Variants in RC3H2 observed in about 807,000 individuals in gnomAD.
RC3H2 encodes ring finger and CCCH-type domains 2, also known as roquin-2.
In RC3H2, 31 loss-of-function variants were observed where a neutral mutation model predicts 133.3. That is an observed-to-expected ratio of 0.23 (90% CI 0.17 to 0.31). The LOEUF (loss-of-function observed/expected upper bound fraction) is 0.31, where lower values mean the gene tolerates loss of function less well. RC3H2 is among the 10% of genes least tolerant of loss of function. The pLI is 1.00. For synonymous variants in RC3H2, 517 were observed against 502.2 expected (o/e 1.03, Z -0.40); for missense variants, 1,175 against 1,437.2 (o/e 0.82, Z 2.95).
Position 122,877,442 on chromosome 9 carries a change from C to A in RC3H2, c.1325+29G>T, listed in dbSNP as rs1831389659. The A allele has an allele frequency of 1.9e-6, 3 of 1,547,324 alleles. No individual in the cohort carries two copies. In the South Asian group the frequency reaches 3.3e-5, roughly 17 times the overall value. On this transcript the variant is annotated intron_variant, in intron 9 of 20. Transcript: ENST00000357244. The stretch of plus-strand genomic sequence containing the variant: ...TTCCCATAAAAATCAAAAATTAAAC[C>A]CATATGAAACAGAATTCTCAACACT...
intron 9 of RC3H2, among the ~76,000 whole-genome samples, chr9:122,876,040 C>T (rs984078607): frequency 6.6e-6 from 1 of 151,840 alleles, no homozygotes; most frequent in African/African-American, 2.4e-5. Context: ...GAGAAGGCAA[C>T]AAGGGATCGA....
rs145430378 is a variant in RC3H2 at position 122,892,706 on chromosome 9, C to T, written c.349+203G>A. ...GATTACAGGGGTGAGCCACCGCGCC[C>T]GGCTCTAGCTTGAATTCTTAATAAC... On this transcript the variant is annotated intron_variant, in intron 3 of 20. Coordinates refer to ENST00000357244, the MANE Select transcript of RC3H2 (RefSeq NM_001100588.3). 3.0e-3 allele frequency among the ~76,000 whole-genome samples: 452 copies of T among 152,180 alleles called. 2 individuals carry two copies. The highest frequency in any genetic ancestry group is 0.01 in the African/African-American group (423 of 41,538).
In RC3H2 at chr9:122,855,936, T is replaced by A. The variant is rs1017163054; in HGVS notation, c.2455-58A>T. ...TAAGAAGCTTAAATTTACAAGCTTG[T>A]AACTAATATAAAGTAACTATTATAG... On this transcript the variant is annotated intron_variant, in intron 13 of 20. Coordinates refer to ENST00000357244, the MANE Select transcript of RC3H2 (RefSeq NM_001100588.3). 5.8e-6 allele frequency: 8 copies of A among 1,387,554 alleles called. No homozygotes were observed. In the East Asian group the frequency reaches 1.7e-4, roughly 29 times the overall value. 86.0% of individuals were successfully genotyped at this position (1,387,554 alleles called of 1,614,324 possible). A position where few individuals can be genotyped will look rare whatever the true frequency, so the allele number is the denominator to read the frequency against.
chr9:122,853,725 C>A lies in RC3H2; in HGVS notation c.3117+227G>T, dbSNP rs961965129. ...CAAGATCGTGCCATTGCACTCCAGG[C>A]GATAGAGCAAGATTCCATCTCAAAA... On this transcript the variant is annotated intron_variant, in intron 18 of 20. Coordinates refer to ENST00000357244, the MANE Select transcript of RC3H2 (RefSeq NM_001100588.3). 1.0e-5 allele frequency: 12 copies of A among 1,195,374 alleles called. No homozygotes were observed. In the African/African-American group the frequency reaches 1.4e-4, roughly 14 times the overall value. 74.0% of individuals were successfully genotyped at this position (1,195,374 alleles called of 1,614,324 possible).
Position 122,849,790 on chromosome 9 carries a change from G to C in RC3H2, c.3413C>G (p.Ser1138Cys), listed in dbSNP as rs1829951764. 1 of 1,577,032 alleles carries C rather than the reference G, an allele frequency of 6.3e-7. No individual in the cohort carries two copies. The highest frequency in any genetic ancestry group is 8.6e-7 in the Non-Finnish European group (1 of 1,164,712). ...EEQKTILPVT[S>C]CFSQPLPVSI... ...CACTGGGAGTGGCTGGCTAAAGCAAGAAGTTACCGGCAGAATTGTTTTTTG... is the reference window on the plus strand; with the variant it reads ...CACTGGGAGTGGCTGGCTAAAGCAACAAGTTACCGGCAGAATTGTTTTTTG... The change falls in exon 21 of 21, where the codon TCT (serine) becomes TGT (cysteine). Residue 1138 changes from serine to cysteine, a missense_variant. By Grantham distance (112) the Ser-to-Cys change is moderately radical. Coordinates refer to ENST00000357244, the MANE Select transcript of RC3H2 (RefSeq NM_001100588.3).
intron 18 of RC3H2, among the ~76,000 whole-genome samples, chr9:122,853,378 T>TA (rs72033785): frequency 0.013 from 1,051 of 83,706 alleles, 19 homozygotes; most frequent in African/African-American, 0.033. Context: ...GAATGATCAA[T>TA]AAAAAAAAAA....
At chr9:122,873,105 G>A (rs115873473) in intron 9 of RC3H2, among the ~76,000 whole-genome samples, 310 of 152,260 alleles carry the variant, frequency 2.0e-3, no homozygotes, top group African/African-American at 7.2e-3. Flanking sequence ...GTATAATAGA[G>A]AAAGAAAATA....
intron 18 of RC3H2, chr9:122,853,667 G>A (rs564513797): frequency 5.1e-5 from 33 of 640,836 alleles, no homozygotes; most frequent in Non-Finnish European, 7.5e-5. Context: ...CAGGAGAATC[G>A]CTTGAACCTG....
rs1564322863 is a variant in RC3H2 at position 122,899,090 on chromosome 9, G to GGTTTTTTTTTTTTTTTTTTTTTTTT, written c.-67-1515_-67-1514insAAAAAAAAAAAAAAAAAAAAAAAAC. ...AAAAAATTCTATTAGCCTTTATTGT[G>GGTTTTTTTTTTTTTTTTTTTTTTTT]TTTTTTTTTTTTTTTTTTTTTTTTT... On this transcript the variant is annotated intron_variant, in intron 1 of 20. Coordinates refer to ENST00000357244, the MANE Select transcript of RC3H2 (RefSeq NM_001100588.3). Among the ~76,000 whole-genome samples the GGTTTTTTTTTTTTTTTTTTTTTTTT allele has an allele frequency of 5.7e-5, 5 of 88,410 alleles. 2 individuals carry two copies. The highest frequency in any genetic ancestry group is 8.1e-5 in the Non-Finnish European group (4 of 49,386). The allele number at this position is 88,410 out of a possible 152,430, so 58.0% of individuals were successfully genotyped here.
intron 2 of RC3H2, among the ~76,000 whole-genome samples, chr9:122,895,911 A>AT (rs1367282803): frequency 1.3e-5 from 2 of 152,146 alleles, no homozygotes; most frequent in African/African-American, 4.8e-5. Flanking sequence ...CTCATTAAAT[A>AT]TGTTATTTCA....
Position 122,849,179 on chromosome 9 carries a change from G to T in RC3H2, c.*448C>A, listed in dbSNP as rs898212851. On this transcript the variant is annotated 3_prime_UTR_variant, in exon 21 of 21. Coordinates refer to ENST00000357244, the MANE Select transcript of RC3H2 (RefSeq NM_001100588.3). Reference sequence around the variant, plus strand: ...TAAATAAAGCAGCTGGAATGAGATGGAAACTTCTCTCAGTGAAACATAAAA... The same window carrying T: ...TAAATAAAGCAGCTGGAATGAGATGTAAACTTCTCTCAGTGAAACATAAAA... The T allele has an allele frequency of 6.6e-6, 1 of 151,994 alleles. No individual in the cohort carries two copies. The highest frequency in any genetic ancestry group is 1.5e-5 in the Non-Finnish European group (1 of 67,972). The allele number at this position is 151,994 out of a possible 1,614,324, so 9.4% of individuals were successfully genotyped here.
intron 9 of RC3H2, chr9:122,874,338 A>G (rs1196686972): frequency 6.6e-6 from 1 of 152,118 alleles, no homozygotes; most frequent in Non-Finnish European, 1.5e-5. Context: ...ATATTTTAAA[A>G]AGAAAATAGT....
chr9:122,878,516 C>T (rs931456768), intron 8 of RC3H2, among the ~76,000 whole-genome samples: 4 of 151,954 alleles, frequency 2.6e-5, no homozygotes, highest in African/African-American at 9.7e-5. Flanking sequence ...GTGATCCGCC[C>T]GCCTCAGCCT....
chr9:122,879,204 T>A (rs1161851184), intron 8 of RC3H2, among the ~76,000 whole-genome samples: 6 of 151,744 alleles, frequency 4.0e-5, no homozygotes, highest in African/African-American at 1.4e-4. Context: ...GAGACCAGCC[T>A]GGCCAACATG....
Position 122,860,030 on chromosome 9 carries a change from G to A in RC3H2, c.1736C>T (p.Ser579Phe), listed in dbSNP as rs775706323. ...TGGTACTCTAGTTAGAAATGGGCTG[G>A]ATTTTTGAGGCACAGAATTCAGCTC... is the stretch of plus-strand genomic sequence containing the variant. ...GTELNSVPQK[S>F]SPFLTRVPVY... The change falls in exon 11 of 21, where the codon TCC becomes TTC. Residue 579 changes from serine to phenylalanine, a missense_variant. Physicochemically the swap from Ser to Phe is radical, Grantham distance 155. Around this residue, in one of 8 missense-constraint regions of RC3H2, gnomAD observed 490 missense variants for 492.8 expected, o/e 0.99. Coordinates refer to ENST00000357244, the MANE Select transcript of RC3H2 (RefSeq NM_001100588.3). 11 of 1,614,094 alleles carry A rather than the reference G, an allele frequency of 6.8e-6. No individual in the cohort carries two copies. The highest frequency in any genetic ancestry group is 9.3e-6 in the Non-Finnish European group (11 of 1,179,996).
intron 12 of RC3H2, 75 bp from the exon 13 acceptor site, chr9:122,858,168 A>G: frequency 2.9e-6 from 4 of 1,381,926 alleles, no homozygotes; most frequent in Non-Finnish European, 3.0e-6. Context: ...AAAATGATGT[A>G]AACAGTTTAT....
In RC3H2 at chr9:122,869,748, T is replaced by G. The variant is rs1830981486; in HGVS notation, c.1326-4091A>C. 2.0e-5 allele frequency among the ~76,000 whole-genome samples: 3 copies of G among 151,964 alleles called. No homozygotes were observed. In the South Asian group the frequency reaches 6.2e-4, roughly 32 times the overall value. On this transcript the variant is annotated intron_variant, in intron 9 of 20. Transcript: ENST00000357244. ...ACACACCTGGCTAATTTTTGTATTTTTAGTAGAGATGGGGTTTCATCATGT... is the reference window on the plus strand; with the variant it reads ...ACACACCTGGCTAATTTTTGTATTTGTAGTAGAGATGGGGTTTCATCATGT...
rs2131521639 is a variant in RC3H2 at position 122,905,262 on chromosome 9, T to G, written c.-220A>C. The G allele has an allele frequency of 1.0e-6, 1 of 985,850 alleles. No individual in the cohort carries two copies. The highest frequency in any genetic ancestry group is 1.7e-5 in the African/African-American group (1 of 57,366). The allele number at this position is 985,850 out of a possible 1,614,324, so 61.1% of individuals were successfully genotyped here. ...TCGGGAGCTACAGGGACAGCCCCGT[T>G]GGCGGCGGCGAAGGCCGCGACGGGG... On this transcript the variant is annotated 5_prime_UTR_variant, in exon 1 of 21. Transcript: ENST00000357244.
chr9:122,867,291 GC>G (rs1368467619), intron 9 of RC3H2, among the ~76,000 whole-genome samples: 1 of 81,724 alleles, frequency 1.2e-5, no homozygotes, highest in Admixed American at 1.2e-4. Context: ...GGGGGGGTCA[GC>G]CCCCCGCCCG....
Sources: gnomAD v4.1 joint callset for allele counts (sites outside exome capture counted in the v4.1 genomes callset) on GRCh38, gnomAD v4.1.1 for gene constraint, gnomAD v4.1.1 regional missense constraint, MANE v1.5 for transcripts, NCBI Gene and HGNC (gene_info 2026-07-23, HGNC 2026-07-21) for gene names.